Variants in MYO1D observed in about 807,000 individuals in gnomAD.
MYO1D encodes the protein myosin ID, also known as unconventional myosin-Id.
Under a neutral mutation model 122.0 loss-of-function variants are expected in MYO1D, and 83 were observed. That is an observed-to-expected ratio of 0.68 (90% CI 0.57 to 0.82). The LOEUF is 0.82. Among genes scored for constraint, MYO1D ranks in the 40% least tolerant of loss-of-function variants. The pLI, the probability that MYO1D is intolerant of heterozygous loss-of-function variation, is 0.00. For missense variants in MYO1D, 1,157 were observed against 1,269.5 expected (o/e 0.91, Z 1.35); for synonymous variants, 464 against 446.9 (o/e 1.04, Z -0.48).
chr17:32,595,966 A>G (rs1428941355), intron 21 of MYO1D, among the ~76,000 whole-genome samples: 3 of 152,140 alleles, frequency 2.0e-5, no homozygotes, highest in Non-Finnish European at 4.4e-5. Flanking sequence ...CCCTCTTGGC[A>G]GGTCCAGGAT....
intron 19 of MYO1D, among the ~76,000 whole-genome samples, chr17:32,644,646 T>C (rs1050711853): frequency 1.3e-5 from 2 of 152,250 alleles, no homozygotes; most frequent in African/African-American, 4.8e-5. Flanking sequence ...TCTTGTTGAA[T>C]TGATCCCTTT....
At chr17:32,700,535 AAACTG>A (rs2089233887) in intron 16 of MYO1D, among the ~76,000 whole-genome samples, 1 of 152,246 alleles carries the variant, frequency 6.6e-6, no homozygotes, top group Non-Finnish European at 1.5e-5. Context: ...GTGAAAGAAA[AAACTG>A]AACGAAGTGT....
chr17:32,538,898 A>G (rs1350362482), intron 21 of MYO1D, among the ~76,000 whole-genome samples: 1 of 152,116 alleles, frequency 6.6e-6, no homozygotes, highest in Non-Finnish European at 1.5e-5. Context: ...CTGCTGAACA[A>G]TGAGAACACA....
At chr17:32,673,668 G>T (rs546685867) in intron 16 of MYO1D, among the ~76,000 whole-genome samples, 98 of 152,296 alleles carry the variant, frequency 6.4e-4, no homozygotes, top group Non-Finnish European at 1.2e-3. Context: ...GGCTGAGGTG[G>T]GAAGATTGCT....
intron 21 of MYO1D, among the ~76,000 whole-genome samples, chr17:32,561,446 T>G (rs1485167899): frequency 1.3e-5 from 2 of 151,998 alleles, no homozygotes; most frequent in Non-Finnish European, 2.9e-5. Context: ...TCCTAGCACT[T>G]TGAGAGGCCA....
chr17:32,577,972 C>T (rs756109019), intron 21 of MYO1D, among the ~76,000 whole-genome samples: 38 of 152,160 alleles, frequency 2.5e-4, no homozygotes, highest in Non-Finnish European at 5.1e-4. Flanking sequence ...ATCTCCTGAC[C>T]TCGTGATCCG....
chr17:32,609,847 T>C (rs979554108), intron 20 of MYO1D, among the ~76,000 whole-genome samples: 1 of 152,156 alleles, frequency 6.6e-6, no homozygotes, highest in African/African-American at 2.4e-5. Flanking sequence ...TCTGAGGCCA[T>C]TGGTAAGAGA....
At chr17:32,822,461 G>A (rs570211722) in intron 1 of MYO1D, among the ~76,000 whole-genome samples, 2 of 151,598 alleles carry the variant, frequency 1.3e-5, no homozygotes, top group South Asian at 4.2e-4. Context: ...GCCGACCACG[G>A]GCAGTGGTGG....
At chr17:32,845,028 T>A (rs575975130) in intron 1 of MYO1D, among the ~76,000 whole-genome samples, 19 of 151,698 alleles carry the variant, frequency 1.3e-4, no homozygotes, top group Non-Finnish European at 2.5e-4. Flanking sequence ...TTCTAAAAAG[T>A]TACACACATA....
intron 13 of MYO1D, among the ~76,000 whole-genome samples, chr17:32,742,671 T>C (rs2089786122): frequency 6.6e-6 from 1 of 152,234 alleles, no homozygotes; most frequent in Non-Finnish European, 1.5e-5. Flanking sequence ...AAATTAAGCA[T>C]TGAAATTCCC....
At chr17:32,520,482 A>G (rs1910096200) in intron 21 of MYO1D, among the ~76,000 whole-genome samples, 1 of 152,242 alleles carries the variant, frequency 6.6e-6, no homozygotes, top group East Asian at 1.9e-4. Context: ...TTTATCCATC[A>G]GGCAAAGTCC....
intron 16 of MYO1D, among the ~76,000 whole-genome samples, chr17:32,706,231 T>C (rs2089307117): frequency 6.6e-6 from 1 of 152,190 alleles, no homozygotes; most frequent in East Asian, 1.9e-4. Context: ...TTCAGCCTCC[T>C]GAGTAGCTGG....
chr17:32,693,669 CG>C (rs1335130399), intron 16 of MYO1D, among the ~76,000 whole-genome samples: 7 of 152,274 alleles, frequency 4.6e-5, no homozygotes, highest in Non-Finnish European at 8.8e-5. Context: ...ACCCAGGCAA[CG>C]GATTTGCTGC....
At chr17:32,744,011 T>C (rs567442185) in intron 13 of MYO1D, among the ~76,000 whole-genome samples, 3 of 152,208 alleles carry the variant, frequency 2.0e-5, no homozygotes, top group Non-Finnish European at 4.4e-5. Flanking sequence ...AGCAGTGATA[T>C]CTTTAAAACA....
chr17:32,744,117 C>T (rs553107051), intron 13 of MYO1D, among the ~76,000 whole-genome samples: 3 of 152,176 alleles, frequency 2.0e-5, no homozygotes, highest in South Asian at 4.2e-4. Flanking sequence ...CTCTACCTAC[C>T]TTTCTAAAGT....
At chr17:32,809,908 A>G (rs2090554513) in intron 1 of MYO1D, among the ~76,000 whole-genome samples, 1 of 152,236 alleles carries the variant, frequency 6.6e-6, no homozygotes, top group African/African-American at 2.4e-5. Flanking sequence ...CAAATTCACA[A>G]TGATCAATGA....
intron 19 of MYO1D, among the ~76,000 whole-genome samples, chr17:32,641,320 T>G (rs906251973): frequency 1.3e-5 from 2 of 151,966 alleles, no homozygotes; most frequent in African/African-American, 4.8e-5. Context: ...CACATTTTCT[T>G]AATCCAGTCT....
At chr17:32,670,795 C>A (rs1279285806) in intron 16 of MYO1D, among the ~76,000 whole-genome samples, 2 of 152,218 alleles carry the variant, frequency 1.3e-5, no homozygotes, top group Non-Finnish European at 2.9e-5. Flanking sequence ...CTCAGCCACA[C>A]TGGAGCGATG....
chr17:32,659,168 G>C lies in MYO1D; in HGVS notation c.2292C>G (p.Ser764Arg). ...CAAAACGGCGAAGAACTTTAGGAGG[G>C]CTTGGCCACTTCACGTGCTTCCCGT... ...RDYGKHVKWP[S>R]PPKVLRRFEE... The change falls in exon 17 of 22, where the codon AGC becomes AGG. Residue 764 changes from serine to arginine, a missense_variant. By Grantham distance (110) the Ser-to-Arg change is moderately radical. Transcript: ENST00000318217. The C allele has an allele frequency of 1.2e-6, 2 of 1,614,180 alleles. No homozygotes were observed. Among genetic ancestry groups the C allele is most frequent in the Non-Finnish European group, 1.7e-6 (2 of 1,180,030 alleles).
Sources: allele counts gnomAD v4.1 joint callset (sites outside exome capture counted in the v4.1 genomes callset), GRCh38; gene constraint gnomAD v4.1.1; transcripts MANE v1.5; gene names NCBI Gene and HGNC (gene_info 2026-07-23, HGNC 2026-07-21).